Variants in DCTN1 observed in about 807,000 individuals in gnomAD.
DCTN1 encodes 150 kDa dynein-associated polypeptide.
Under a neutral mutation model 161.2 loss-of-function variants are expected in DCTN1, and 61 were observed. The observed-to-expected ratio is 0.38, with a 90% CI of 0.31 to 0.47. DCTN1 has a LOEUF of 0.47. DCTN1 is among the 20% of genes least tolerant of loss of function. The pLI is 0.99. For missense variants in DCTN1, 1,404 were observed against 1,623.7 expected (o/e 0.86, Z 2.33); for synonymous variants, 653 against 632.4 (o/e 1.03, Z -0.49).
In DCTN1 at chr2:74,365,600, T is replaced by C. The variant is rs752834684; in HGVS notation, c.2944A>G (p.Ser982Gly). 29 of 1,614,164 alleles carry C rather than the reference T, an allele frequency of 1.8e-5. No homozygotes were observed. Among genetic ancestry groups the C allele is most frequent in the Non-Finnish European group, 2.3e-5 (27 of 1,180,016 alleles). The change falls in exon 25 of 32, where the codon AGT becomes GGT. Residue 982 changes from serine (S) to glycine (G), a missense_variant. By Grantham distance (56) the Ser-to-Gly change is moderately conservative. Around this residue, in one of 9 missense-constraint regions of DCTN1, gnomAD observed 475 missense variants for 489.8 expected, o/e 0.97. Transcript: ENST00000628224. ...CGCTCATCTGCATCCTTGGCAGCACTGTCCAACTTCTTCTCCAGGAGGCTC... is the reference window on the plus strand; with the variant it reads ...CGCTCATCTGCATCCTTGGCAGCACCGTCCAACTTCTTCTCCAGGAGGCTC... ...RLSLLEKKLD[S>G]AAKDADERIE... is the part of the protein sequence containing the mutation.
exon 1 of DCTN1, chr2:74,391,860 G>C (rs1342528727): frequency 4.4e-6 from 2 of 453,192 alleles, no homozygotes; most frequent in Non-Finnish European, 8.8e-6. Flanking sequence ...GACCCTGCGG[G>C]GCCGGCCCCG....
intron 7 of DCTN1, chr2:74,372,048 C>A: frequency 2.7e-6 from 1 of 373,086 alleles, no homozygotes. Context: ...CTGGCACTAC[C>A]CTTAAGAGCA....
chr2:74,386,235 G>A (rs191324073), intron 1 of DCTN1, among the ~76,000 whole-genome samples: 6 of 152,306 alleles, frequency 3.9e-5, no homozygotes, highest in Admixed American at 6.5e-5. Flanking sequence ...GAAACCGGGA[G>A]TTGGGATTAA....
In DCTN1 at chr2:74,366,555, C is replaced by G. The variant is rs775122005; in HGVS notation, c.2532G>C (p.Val844=). The G allele has an allele frequency of 1.9e-6, 3 of 1,613,894 alleles. No individual in the cohort carries two copies. The highest frequency in any genetic ancestry group is 2.5e-6 in the Non-Finnish European group (3 of 1,179,986). The change falls in exon 22 of 32, where the codon GTG becomes GTC. Residue 844 remains valine, a synonymous_variant. Coordinates refer to ENST00000628224, the MANE Select transcript of DCTN1 (RefSeq NM_004082.5). ...CAATGAGCTGGGCAGCAGCAGCTGC[C>G]ACCTCCTGCAGCACAGCCACGACCC... The part of the protein sequence containing the change: ...LTWVVAVLQE[V]AAAAAQLIAP...
intron 8 of DCTN1, 78 bp downstream of exon 8, chr2:74,371,457 CAG>C: frequency 7.0e-7 from 1 of 1,434,106 alleles, no homozygotes; most frequent in Admixed American, 2.2e-5. Context: ...TTGCCAACCC[CAG>C]GAAATTTTCA....
At chr2:74,374,716 T>C in intron 5 of DCTN1, 1 of 1,181,552 alleles carries the variant, frequency 8.5e-7, no homozygotes, top group Non-Finnish European at 1.1e-6. Flanking sequence ...CCTCCTCTGC[T>C]CCATGGGGGT....
At position 74,372,935 on chromosome 2, in the gene DCTN1, C is replaced by G. The variant is rs149447433; in HGVS notation, c.446G>C (p.Arg149Pro). ...AGGGGCCTGTTTTCTCACCTTGGGT[C>G]GCCGAGTTGTGGTCTGGACAGGCAA... ...APTARKTTTR[R>P]PKPTRPASTG... Residue 149 changes from arginine (R) to proline (P), a missense_variant, in exon 7 of 32, where the codon CGA becomes CCA. By Grantham distance (103) the Arg-to-Pro change is moderately radical (BLOSUM62 -2). This residue lies in a region of DCTN1 where 174 missense variants were observed against 175.6 expected (regional missense o/e 0.99). Coordinates refer to ENST00000628224, the MANE Select transcript of DCTN1 (RefSeq NM_004082.5). 6.2e-7 allele frequency: 1 copy of G among 1,614,008 alleles called. No homozygotes were observed. Among genetic ancestry groups the G allele is most frequent in the Admixed American group, 1.7e-5 (1 of 60,014 alleles).
rs1674607602 is a variant in DCTN1, at chr2:74,368,717, A to C, written c.1854+11T>G. 4.3e-6 allele frequency: 7 copies of C among 1,614,230 alleles called. No homozygotes were observed. The highest frequency in any genetic ancestry group is 5.9e-6 in the Non-Finnish European group (7 of 1,180,044). On this transcript the variant is annotated intron_variant, in intron 16 of 31. Coordinates refer to ENST00000628224, the MANE Select transcript of DCTN1 (RefSeq NM_004082.5). Reference sequence around the variant, plus strand: ...TAGATTTCTGTGGAACATGTGATTGATTGGCCATACCTTGCAAATGAGACG... The same window carrying C: ...TAGATTTCTGTGGAACATGTGATTGCTTGGCCATACCTTGCAAATGAGACG...
At position 74,366,034 on chromosome 2, in the gene DCTN1, T is replaced by C. The variant is rs762138930; in HGVS notation, c.2761-16A>G. On this transcript the variant is annotated splice_polypyrimidine_tract_variant and intron_variant, in intron 23 of 31. Transcript: ENST00000628224. ...CCGGTGGAGGCTAAGGAATGGTCGG[T>C]AGGGGGTGAGAAAGTGAGGGTGGAG... is the stretch of plus-strand genomic sequence containing the variant. The C allele has an allele frequency of 1.4e-5, 23 of 1,614,162 alleles. No homozygotes were observed. The East Asian group carries it at 2.5e-4, about 17-fold the overall frequency.
intron 26 of DCTN1, chr2:74,364,731 A>C (rs1674273400): frequency 2.6e-6 from 1 of 386,018 alleles, no homozygotes; most frequent in South Asian, 2.2e-5. Context: ...GCCCCAGGAG[A>C]GTCAGCCCAG....
chr2:74,372,990 G>T, intron 6 of DCTN1, 42 bp from the exon 7 acceptor site: 1 of 1,603,456 alleles, frequency 6.2e-7, no homozygotes. Flanking sequence ...AGTCAGGAAA[G>T]AAAGGACAAT....
intron 26 of DCTN1, 71 bp downstream of exon 26, chr2:74,365,004 C>A (rs1674296446): frequency 8.7e-6 from 14 of 1,606,040 alleles, no homozygotes; most frequent in Non-Finnish European, 8.5e-6. Context: ...GGGCAGAGGT[C>A]AAAATGAGGC....
At chr2:74,365,016 A>T in intron 26 of DCTN1, 59 bp downstream of exon 26, 1 of 1,610,996 alleles carries the variant, frequency 6.2e-7, no homozygotes, top group South Asian at 1.1e-5. Context: ...AAATGAGGCC[A>T]AGGACAGGAG....
intron 31 of DCTN1, 88 bp from the exon 32 acceptor site, chr2:74,361,724 A>G (rs1674008630): frequency 6.4e-7 from 1 of 1,564,382 alleles, no homozygotes; most frequent in African/African-American, 1.4e-5. Flanking sequence ...ACTGAGACCA[A>G]GGCAGCTCCT....
rs370909293 is a variant in DCTN1 at position 74,369,080 on chromosome 2, C to A, written c.1701+18G>T. On this transcript the variant is annotated intron_variant, in intron 15 of 31. Coordinates refer to ENST00000628224, the MANE Select transcript of DCTN1 (RefSeq NM_004082.5). This position sits in a 1 kb window ranked among gnomAD's most constrained non-coding sequence, Gnocchi z 4.9. ...TCATCCCAGGCAGGGCTCCCTCAGACCCACACACTTTCCTGACCTTGGCAT... is the reference window on the plus strand; with the variant it reads ...TCATCCCAGGCAGGGCTCCCTCAGAACCACACACTTTCCTGACCTTGGCAT... 1 of 1,612,708 alleles carries A rather than the reference C, an allele frequency of 6.2e-7. No homozygotes were observed. The highest frequency in any genetic ancestry group is 8.5e-7 in the Non-Finnish European group (1 of 1,179,032).
chr2:74,367,306 A>C, intron 19 of DCTN1, 46 bp downstream of exon 19: 1 of 1,609,086 alleles, frequency 6.2e-7, no homozygotes, highest in Non-Finnish European at 8.5e-7. Flanking sequence ...GATGCCCTCC[A>C]TTTCTGATCT....
chr2:74,380,794 C>G (rs1675479948), upstream of DCTN1, among the ~76,000 whole-genome samples: 1 of 152,186 alleles, frequency 6.6e-6, no homozygotes, highest in African/African-American at 2.4e-5. Flanking sequence ...CATAGCAAAG[C>G]AAGCCAAGTA....
At chr2:74,368,682 G>A in intron 16 of DCTN1, 46 bp downstream of exon 16, 1 of 1,613,782 alleles carries the variant, frequency 6.2e-7, no homozygotes, top group Non-Finnish European at 8.5e-7. Flanking sequence ...CTGGTTCATG[G>A]CAAGTTCACT....
rs184739788 is a variant in DCTN1 at position 74,369,696 on chromosome 2, C to T, written c.1393-205G>A. 5.0e-4 allele frequency among the ~76,000 whole-genome samples: 76 copies of T among 152,182 alleles called. No individual in the cohort carries two copies. The highest frequency in any genetic ancestry group is 1.7e-3 in the African/African-American group (70 of 41,524). On this transcript the variant is annotated intron_variant, in intron 13 of 31. Coordinates refer to ENST00000628224, the MANE Select transcript of DCTN1 (RefSeq NM_004082.5). The surrounding 1 kb of genome is among the most constrained non-coding windows in gnomAD (Gnocchi z 4.9). ...GGTATGGTGGCGCATGCCTGTAGTA[C>T]CAGCTACTCGGGAGGCTGAGGCAGG...
Sources: gnomAD v4.1 joint callset for allele counts (sites outside exome capture counted in the v4.1 genomes callset) on GRCh38, gnomAD v4.1.1 for gene constraint, gnomAD v4.1.1 regional missense constraint, Gnocchi (gnomAD v3.1) non-coding constraint, MANE v1.5 for transcripts, NCBI Gene and HGNC (gene_info 2026-07-23, HGNC 2026-07-21) for gene names.